TACC2: variants seen among roughly 807,000 people sequenced by gnomAD.
TACC2 encodes transforming acidic coiled-coil-containing protein 2.
Under a neutral mutation model 227.3 loss-of-function variants are expected in TACC2, and 137 were observed. That is an observed-to-expected ratio of 0.60 (90% CI 0.52 to 0.69). TACC2 has a LOEUF of 0.69. Among genes scored for constraint, TACC2 ranks in the 30% least tolerant of loss-of-function variants. TACC2 has a pLI of 0.00. For missense variants in TACC2, 3,470 were observed against 3,694.4 expected, an observed-to-expected ratio of 0.94 and a Z score of 1.57; for synonymous variants, 1,523 against 1,487.5, an observed-to-expected ratio of 1.02 and a Z score of -0.55.
intron 6 of TACC2, among the ~76,000 whole-genome samples, chr10:122,139,663 C>T (rs1191936345): frequency 6.6e-6 from 1 of 152,196 alleles, no homozygotes; most frequent in Non-Finnish European, 1.5e-5. Context: ...AGTCTTCGGC[C>T]TTAACGCTTG....
At chr10:122,213,296 C>G in intron 9 of TACC2, 2 of 1,591,184 alleles carry the variant, frequency 1.3e-6, no homozygotes, top group Middle Eastern at 1.7e-4. Flanking sequence ...TCTTTTTTGT[C>G]AGTTCCTTCT....
chr10:122,085,281 G>A lies in TACC2; in HGVS notation c.2781G>A (p.Leu927=), dbSNP rs759877044. 6.2e-7 allele frequency: 1 copy of A among 1,614,066 alleles called. No homozygotes were observed. Among genetic ancestry groups the A allele is most frequent in the Non-Finnish European group, 8.5e-7 (1 of 1,180,038 alleles). ...CTGACATGGTTTGGGAGAGTTCTCT[G>A]ACAGAAGAGTCAGAATTGTCAGCAC... The part of the protein sequence containing the change: ...SPTDMVWESS[L]TEESELSAPT... Residue 927 remains leucine (L), a synonymous_variant, in exon 4 of 23, where the codon CTG becomes CTA. Coordinates refer to ENST00000369005, the MANE Select transcript of TACC2 (RefSeq NM_206862.4).
In TACC2 at chr10:121,994,282, T is replaced by C. The variant is rs545531592; in HGVS notation, c.-46+4794T>C. Among the ~76,000 whole-genome samples, 18 of 152,344 alleles carry C rather than the reference T, an allele frequency of 1.2e-4. 1 individual carries two copies. Among genetic ancestry groups the C allele is most frequent in the African/African-American group, 4.3e-4 (18 of 41,590 alleles). ...GAAGCACTGCTAATTTTATGCCTTG[T>C]TTTTTTCTTCTTTTATGGTTGCTTT... On this transcript the variant is annotated intron_variant, in intron 1 of 22. Coordinates refer to ENST00000369005, the MANE Select transcript of TACC2 (RefSeq NM_206862.4).
chr10:122,217,324 T>G (rs1267190241), intron 11 of TACC2, among the ~76,000 whole-genome samples: 1 of 152,054 alleles, frequency 6.6e-6, no homozygotes, highest in African/African-American at 2.4e-5. Flanking sequence ...TGAGAGGGCA[T>G]GATTCCCTCC....
intron 7 of TACC2, among the ~76,000 whole-genome samples, chr10:122,168,736 G>A (rs957749698): frequency 6.6e-6 from 1 of 152,188 alleles, no homozygotes; most frequent in Non-Finnish European, 1.5e-5. Context: ...TGGATTCTGG[G>A]TTGCTCTTCC....
chr10:121,991,199 ATTTAT>A (rs944167850), intron 1 of TACC2, among the ~76,000 whole-genome samples: 10 of 152,270 alleles, frequency 6.6e-5, no homozygotes, highest in East Asian at 3.9e-4. Flanking sequence ...GCTTTTATTT[ATTTAT>A]TTTATGTATG....
At chr10:122,206,437 G>T (rs1342993620) in intron 8 of TACC2, among the ~76,000 whole-genome samples, 1 of 152,162 alleles carries the variant, frequency 6.6e-6, no homozygotes, top group African/African-American at 2.4e-5. Context: ...GGTTCATACG[G>T]GTGGGGCCCT....
chr10:122,196,001 C>G (rs1317011523), intron 8 of TACC2, among the ~76,000 whole-genome samples: 1 of 152,174 alleles, frequency 6.6e-6, no homozygotes, highest in Admixed American at 6.5e-5. Context: ...AGGGCCAAAC[C>G]CCTTCTAGAC....
chr10:122,156,082 C>A (rs1205262815), intron 7 of TACC2, among the ~76,000 whole-genome samples: 2 of 151,422 alleles, frequency 1.3e-5, no homozygotes, highest in Non-Finnish European at 2.9e-5. Flanking sequence ...TGTGATCCGC[C>A]TGCCTCGGCC....
intron 2 of TACC2, among the ~76,000 whole-genome samples, chr10:122,046,418 G>A (rs2136116632): frequency 6.6e-6 from 1 of 152,210 alleles, no homozygotes; most frequent in African/African-American, 2.4e-5. Flanking sequence ...AGCTTACAGT[G>A]AGCCAAGATC....
At chr10:122,149,015 C>T (rs968035136) in intron 7 of TACC2, among the ~76,000 whole-genome samples, 1 of 152,248 alleles carries the variant, frequency 6.6e-6, no homozygotes, top group African/African-American at 2.4e-5. Flanking sequence ...GCAGGTCACC[C>T]TGACTTTTCC....
Position 122,194,957 on chromosome 10 carries a change from G to A in TACC2, c.5835-83G>A. 1.4e-6 allele frequency: 2 copies of A among 1,454,938 alleles called. No individual in the cohort carries two copies. The highest frequency in any genetic ancestry group is 1.9e-6 in the Non-Finnish European group (2 of 1,067,424). The allele number at this position is 1,454,938 out of a possible 1,614,324, so 90.1% of individuals were successfully genotyped here. On this transcript the variant is annotated intron_variant, in intron 7 of 22. Coordinates refer to ENST00000369005, the MANE Select transcript of TACC2 (RefSeq NM_206862.4). The surrounding 1 kb of genome is among the most constrained non-coding windows in gnomAD (Gnocchi z 4.4). Reference sequence around the variant, plus strand: ...ACTGAGCAGCGAGCCAGAACCCACTGGCTCTGGGTGCGAAGGCCACACCGG... The same window carrying A: ...ACTGAGCAGCGAGCCAGAACCCACTAGCTCTGGGTGCGAAGGCCACACCGG...
At chr10:122,139,478 C>A (rs546237233) in intron 6 of TACC2, among the ~76,000 whole-genome samples, 1 of 152,224 alleles carries the variant, frequency 6.6e-6, no homozygotes, top group Non-Finnish European at 1.5e-5. Context: ...TTTTCAGTGG[C>A]TGCCTCTGAG....
At chr10:122,033,829 G>A (rs1166730387) in intron 2 of TACC2, among the ~76,000 whole-genome samples, 8 of 152,028 alleles carry the variant, frequency 5.3e-5, no homozygotes, top group South Asian at 2.1e-4. Context: ...CTGGCCAGGC[G>A]TGGCAGTCAT....
At chr10:122,181,961 C>T (rs770140699) in intron 7 of TACC2, among the ~76,000 whole-genome samples, 2 of 152,172 alleles carry the variant, frequency 1.3e-5, no homozygotes, top group Non-Finnish European at 2.9e-5. Flanking sequence ...TGCTTTATTG[C>T]ACTGCTTGCA....
chr10:122,229,306 T>C (rs1459388893), intron 14 of TACC2, 40 bp from the exon 15 acceptor site: 5 of 1,611,786 alleles, frequency 3.1e-6, no homozygotes, highest in Non-Finnish European at 4.2e-6. Flanking sequence ...TCTGTTCTCC[T>C]CTATTTTTCT....
chr10:122,033,720 G>C (rs1458427470), intron 2 of TACC2, among the ~76,000 whole-genome samples: 3 of 152,160 alleles, frequency 2.0e-5, no homozygotes, highest in Non-Finnish European at 4.4e-5. Context: ...CTTTTTCCTG[G>C]AGAGGACGTT....
chr10:122,031,095 C>A (rs899435425), intron 2 of TACC2, among the ~76,000 whole-genome samples: 1 of 152,110 alleles, frequency 6.6e-6, no homozygotes, highest in African/African-American at 2.4e-5. Context: ...TTTAGCCTTC[C>A]AAATTTCCAG....
intron 3 of TACC2, among the ~76,000 whole-genome samples, chr10:122,063,969 C>T (rs1384789465): frequency 6.6e-6 from 1 of 151,890 alleles, no homozygotes; most frequent in Admixed American, 6.6e-5. Flanking sequence ...TGAGACCAGC[C>T]TGGCCAACAT....
Sources: allele counts gnomAD v4.1 joint callset (sites outside exome capture counted in the v4.1 genomes callset), GRCh38; gene constraint gnomAD v4.1.1; non-coding constraint Gnocchi (gnomAD v3.1); transcripts MANE v1.5; gene names NCBI Gene and HGNC (gene_info 2026-07-23, HGNC 2026-07-21).